UBTF: variants seen among roughly 807,000 people sequenced by gnomAD.
The protein encoded by UBTF is nucleolar transcription factor 1.
UBTF carries 8 observed loss-of-function variants against 112.3 expected under a neutral mutation model. The observed-to-expected ratio is 0.07, with a 90% confidence interval of 0.04 to 0.13. UBTF has a LOEUF of 0.13. UBTF is among the 10% of genes least tolerant of loss of function. The pLI is 1.00. For missense variants in UBTF, 457 were observed against 982.1 expected (o/e 0.47, Z 7.15); for synonymous variants, 417 against 373.1 (o/e 1.12, Z -1.36).
upstream of UBTF, chr17:44,220,923 C>A: frequency 6.8e-6 from 1 of 147,428 alleles, no homozygotes; most frequent in South Asian, 1.9e-4. Flanking sequence ...CCCGCTCCGC[C>A]CGCCCGCCCG....
Position 44,205,901 on chromosome 17 carries a change from G to A in UBTF, c.*1341C>T, listed in dbSNP as rs2056216515. 2.0e-5 allele frequency: 3 copies of A among 152,240 alleles called. No individual in the cohort carries two copies. Among genetic ancestry groups the A allele is most frequent in the African/African-American group, 4.8e-5 (2 of 41,448 alleles). The allele number at this position is 152,240 out of a possible 1,614,324, so 9.4% of individuals were successfully genotyped here. A position where few individuals can be genotyped will look rare whatever the true frequency, so the allele number is the denominator to read the frequency against. ...TGGCTGGGAAGAGTTAGAGACAGCT[G>A]CAGATGCAGCTTTTGCAGACTTCTT... On this transcript the variant is annotated 3_prime_UTR_variant, in exon 21 of 21. Transcript: ENST00000436088.
chr17:44,211,843 C>T lies in UBTF; in HGVS notation c.905+30G>A. 1 of 1,607,240 alleles carries T rather than the reference C, an allele frequency of 6.2e-7. No individual in the cohort carries two copies. Among genetic ancestry groups the T allele is most frequent in the Non-Finnish European group, 8.5e-7 (1 of 1,176,898 alleles). ...CCCAGCCCAACTTCCCAGCTGCCCA[C>T]TCGCCCACCCATCCCAGGGCAGCGC... On this transcript the variant is annotated intron_variant, in intron 9 of 20. Transcript: ENST00000436088. The surrounding 1 kb of genome is among the most constrained non-coding windows in gnomAD (Gnocchi z 4.9).
At chr17:44,214,451 T>A (rs1373277663) in intron 5 of UBTF, among the ~76,000 whole-genome samples, 4 of 152,238 alleles carry the variant, frequency 2.6e-5, no homozygotes, top group Non-Finnish European at 5.9e-5. Flanking sequence ...CCAAGTCTTG[T>A]GTCCCCCAGG....
chr17:44,208,880 C>A, intron 17 of UBTF: 1 of 332,502 alleles, frequency 3.0e-6, no homozygotes, highest in Admixed American at 4.0e-5. Flanking sequence ...CCTTGGTTTC[C>A]TTATTTTTAA....
upstream of UBTF, chr17:44,220,999 C>T (rs1436392485): frequency 6.6e-6 from 1 of 150,812 alleles, no homozygotes; most frequent in South Asian, 1.9e-4. Context: ...GGCGCCGCCG[C>T]CTCCCGGGCC....
At position 44,218,600 on chromosome 17, in the gene UBTF, A is replaced by AAAAAAAAAAAAAAG. The variant is rs1194736637; in HGVS notation, c.-67-305_-67-304insCTTTTTTTTTTTTT. ...CCCGCTTCCCAACCCCAGCCAAAAA[A>AAAAAAAAAAAAAAG]AAAAAAAAAGAAAAAATCTCCTCCT... On this transcript the variant is annotated intron_variant, in intron 1 of 20. Transcript: ENST00000436088. The AAAAAAAAAAAAAAG allele has an allele frequency of 5.6e-3, 1,173 of 208,146 alleles. 77 individuals carry two copies. Among genetic ancestry groups the AAAAAAAAAAAAAAG allele is most frequent in the African/African-American group, 0.028 (1,083 of 39,312 alleles). The allele number at this position is 208,146 out of a possible 1,614,324, so 12.9% of individuals were successfully genotyped here. A position where few individuals can be genotyped will look rare whatever the true frequency, so the allele number is the denominator to read the frequency against.
chr17:44,207,127 GAAA>G lies in UBTF; in HGVS notation c.*112_*114del. On this transcript the variant is annotated 3_prime_UTR_variant, in exon 21 of 21. Coordinates refer to ENST00000436088, the MANE Select transcript of UBTF (RefSeq NM_014233.4). ...TTTTTTTTTTTTTTAAAGAAAGAAA[GAAA>G]GTGGGGGAGGCCAGGGGGGCAAGGG... 1.8e-6 allele frequency: 2 copies of G among 1,118,332 alleles called. No individual in the cohort carries two copies. The highest frequency in any genetic ancestry group is 1.3e-6 in the Non-Finnish European group (1 of 796,718). 69.3% of individuals were successfully genotyped at this position (1,118,332 alleles called of 1,614,324 possible). A position where few individuals can be genotyped will look rare whatever the true frequency, so the allele number is the denominator to read the frequency against.
Position 44,207,926 on chromosome 17 carries a change from A to G in UBTF, c.1906-15T>C, listed in dbSNP as rs1287392634. The stretch of plus-strand genomic sequence containing the variant: ...GGAGACAGGCTCTGGGGGAGACAGA[A>G]GCGGCAAGGGTTGGAACATAGCCAA... On this transcript the variant is annotated splice_polypyrimidine_tract_variant and intron_variant, in intron 17 of 20. Coordinates refer to ENST00000436088, the MANE Select transcript of UBTF (RefSeq NM_014233.4). 1.2e-6 allele frequency: 2 copies of G among 1,613,698 alleles called. No homozygotes were observed. Among genetic ancestry groups the G allele is most frequent in the East Asian group, 2.2e-5 (1 of 44,882 alleles).
chr17:44,216,776 T>C, intron 2 of UBTF, 72 bp from the exon 3 acceptor site: 1 of 1,489,684 alleles, frequency 6.7e-7, no homozygotes, highest in South Asian at 1.1e-5. Flanking sequence ...AGTTCTTGAG[T>C]GCTCAACTCT....
intron 5 of UBTF, 37 bp downstream of exon 5, chr17:44,215,617 C>G (rs1598260022): frequency 6.2e-7 from 1 of 1,609,838 alleles, no homozygotes; most frequent in African/African-American, 1.3e-5. Context: ...TGCTCCCAGC[C>G]TCTCCCCTCC....
chr17:44,212,801 C>T lies in UBTF; in HGVS notation c.660+18G>A. On this transcript the variant is annotated intron_variant, in intron 7 of 20. Coordinates refer to ENST00000436088, the MANE Select transcript of UBTF (RefSeq NM_014233.4). ...CCGCCGTGCATCCTCCACCCCCAAC[C>T]CTTGGCCGGACACTCACATCTGGCC... is the stretch of plus-strand genomic sequence containing the variant. 1.2e-6 allele frequency: 2 copies of T among 1,613,474 alleles called. No homozygotes were observed. Among genetic ancestry groups the T allele is most frequent in the East Asian group, 2.2e-5 (1 of 44,878 alleles).
chr17:44,211,428 C>T lies in UBTF; in HGVS notation c.1048-97G>A, dbSNP rs2056670745. The stretch of plus-strand genomic sequence containing the variant: ...AGTGACCTTCAGCGGGCCTCCAGAG[C>T]CTGGGTGTGGGCTGGACTCCCTGCC... On this transcript the variant is annotated intron_variant, in intron 10 of 20. Transcript: ENST00000436088. This position sits in a 1 kb window ranked among gnomAD's most constrained non-coding sequence, Gnocchi z 4.9. 9 of 1,584,406 alleles carry T rather than the reference C, an allele frequency of 5.7e-6. No homozygotes were observed. The Admixed American group carries it at 1.5e-4, about 27-fold the overall frequency.
At chr17:44,217,601 C>T (rs972388859) in intron 2 of UBTF, among the ~76,000 whole-genome samples, 2 of 152,192 alleles carry the variant, frequency 1.3e-5, no homozygotes, top group Non-Finnish European at 2.9e-5. Flanking sequence ...GAATGGGCCA[C>T]GTGGACCCAT....
At chr17:44,213,120 C>T (rs2056801038) in intron 6 of UBTF, 98 bp downstream of exon 6, 4 of 1,543,560 alleles carry the variant, frequency 2.6e-6, no homozygotes, top group Non-Finnish European at 3.5e-6. Flanking sequence ...CATCCTCTTC[C>T]ATGCCTCAGA....
rs1351909427 is a variant in UBTF, at chr17:44,210,249, G to A, written c.1516-15C>T. The A allele has an allele frequency of 1.9e-6, 3 of 1,614,264 alleles. No homozygotes were observed. The highest frequency in any genetic ancestry group is 8.5e-7 in the Non-Finnish European group (1 of 1,180,048). On this transcript the variant is annotated splice_polypyrimidine_tract_variant and intron_variant, in intron 14 of 20. Transcript: ENST00000436088. ...ACCCGGTCATTCTGGGGACCAATAA[G>A]GGTATCAGCCGTGGGAGGGGTCACC...
Position 44,209,370 on chromosome 17 carries a change from G to T in UBTF, c.1887C>A (p.His629Gln), listed in dbSNP as rs149870842. 252 of 1,608,338 alleles carry T rather than the reference G, an allele frequency of 1.6e-4. No homozygotes were observed. The highest frequency in any genetic ancestry group is 2.0e-4 in the Non-Finnish European group (235 of 1,176,370). ...AEEQQKQYKV[H>Q]LDLWVKSLSP... ...CTCTCACCTTAACCCAGAGGTCCAG[G>T]TGCACCTTGTACTGCTTTTGCTGCT... The change falls in exon 17 of 21, where the codon CAC becomes CAA. Residue 629 changes from histidine to glutamine, a missense_variant. His to Gln is a conservative substitution (Grantham distance 24). Around this residue, in one of 7 missense-constraint regions of UBTF, gnomAD observed 77 missense variants for 211.9 expected, o/e 0.36. Coordinates refer to ENST00000436088, the MANE Select transcript of UBTF (RefSeq NM_014233.4).
At chr17:44,220,713 A>T (rs995059464), upstream of UBTF, 5 of 151,496 alleles carry the variant, frequency 3.3e-5, no homozygotes, top group Non-Finnish European at 7.4e-5. Context: ...CTCTCCCCCG[A>T]AATCCGCGGC....
At position 44,213,289 on chromosome 17, in the gene UBTF, G is replaced by A. The variant is rs774563314; in HGVS notation, c.475-7C>T. 6.2e-7 allele frequency: 1 copy of A among 1,612,950 alleles called. No individual in the cohort carries two copies. Among genetic ancestry groups the A allele is most frequent in the Non-Finnish European group, 8.5e-7 (1 of 1,179,438 alleles). ...AGTCCTGAATATATTTCATCTGGGG[G>A]GAGGAGGGGATGGGGTCACTCAGGA... On this transcript the variant is annotated splice_region_variant and splice_polypyrimidine_tract_variant and intron_variant, in intron 5 of 20. Transcript: ENST00000436088.
In UBTF at chr17:44,211,205, G is replaced by A. The variant is rs2056654417; in HGVS notation, c.1090-53C>T. ...GCATGCCTGGCACCCAGACTGCATG[G>A]TGCCCTATCTCCAGGGGCTCACCAG... On this transcript the variant is annotated intron_variant, in intron 11 of 20. Coordinates refer to ENST00000436088, the MANE Select transcript of UBTF (RefSeq NM_014233.4). The surrounding 1 kb of genome is among the most constrained non-coding windows in gnomAD (Gnocchi z 4.9). The A allele has an allele frequency of 1.2e-6, 2 of 1,613,374 alleles. No individual in the cohort carries two copies. Among genetic ancestry groups the A allele is most frequent in the South Asian group, 1.1e-5 (1 of 91,070 alleles).
Sources: allele counts gnomAD v4.1 joint callset (sites outside exome capture counted in the v4.1 genomes callset), GRCh38; gene constraint gnomAD v4.1.1; regional missense constraint gnomAD v4.1.1; non-coding constraint Gnocchi (gnomAD v3.1); transcripts MANE v1.5; gene names NCBI Gene and HGNC (gene_info 2026-07-23, HGNC 2026-07-21).